TRHDE: variants seen among roughly 807,000 people sequenced by gnomAD.
TRHDE encodes thyrotropin-releasing hormone-degrading ectoenzyme.
In TRHDE, 72 loss-of-function variants were observed where a neutral mutation model predicts 125.7. The ratio of observed to expected loss-of-function variants is 0.57; its 90% CI spans 0.47 to 0.70. The LOEUF (loss-of-function observed/expected upper bound fraction) is 0.70, where lower values mean the gene tolerates loss of function less well. Ranked by LOEUF, TRHDE falls within the 30% of genes least tolerant of loss-of-function variation. The pLI is 0.00. For synonymous variants in TRHDE, 509 were observed against 509.1 expected (o/e 1.00, Z 0.00); for missense variants, 1,110 against 1,327.1 (o/e 0.84, Z 2.54).
Position 72,630,368 on chromosome 12 carries a change from C to T in TRHDE, c.2675+8617C>T, listed in dbSNP as rs570451487. On this transcript the variant is annotated intron_variant, in intron 15 of 18. Transcript: ENST00000261180. The stretch of plus-strand genomic sequence containing the variant: ...AGTAAGTCATGTAAAGACAGAGGAG[C>T]GCCAAGAATTGCTGGAGCCATTAGA... Among the ~76,000 whole-genome samples the T allele has an allele frequency of 2.6e-5, 4 of 151,700 alleles. No individual in the cohort carries two copies. In the South Asian group the frequency reaches 6.2e-4, roughly 24 times the overall value.
Position 72,658,492 on chromosome 12 carries a change from T to A in TRHDE, c.3066+1484T>A, listed in dbSNP as rs1592600566. On this transcript the variant is annotated intron_variant, in intron 18 of 18. Coordinates refer to ENST00000261180, the MANE Select transcript of TRHDE (RefSeq NM_013381.3). ...ATCTCCTCTCCTCCCTACCTCTCTC[T>A]TATCCCTTCTTTAATTTTTCTTCTT... 4.6e-5 allele frequency among the ~76,000 whole-genome samples: 7 copies of A among 152,240 alleles called. 1 individual carries two copies. Among genetic ancestry groups the A allele is most frequent in the Admixed American group, 4.6e-4 (7 of 15,272 alleles).
chr12:72,314,800 T>C (rs894473679), intron 2 of TRHDE, among the ~76,000 whole-genome samples: 1 of 152,218 alleles, frequency 6.6e-6, no homozygotes, highest in Non-Finnish European at 1.5e-5. Context: ...ATGTCTTTTT[T>C]TCATTCTGAA....
At chr12:72,121,719 C>A (rs1304660286) in intron 2 of TRHDE, among the ~76,000 whole-genome samples, 1 of 135,454 alleles carries the variant, frequency 7.4e-6, no homozygotes, top group African/African-American at 2.7e-5. Context: ...TACGAAGGTG[C>A]CTTTTTTTTT....
At chr12:72,426,164 T>C (rs977160160) in intron 3 of TRHDE, among the ~76,000 whole-genome samples, 2 of 152,144 alleles carry the variant, frequency 1.3e-5, no homozygotes, top group Non-Finnish European at 2.9e-5. Context: ...AACATGTTAT[T>C]GGAGATATTC....
At chr12:72,559,434 A>G (rs965427956) in intron 7 of TRHDE, among the ~76,000 whole-genome samples, 3 of 152,214 alleles carry the variant, frequency 2.0e-5, no homozygotes, top group Non-Finnish European at 4.4e-5. Flanking sequence ...TTGTTACTGC[A>G]TTTTAAACCA....
intron 1 of TRHDE, among the ~76,000 whole-genome samples, chr12:72,277,358 T>C (rs745464144): frequency 1.3e-5 from 2 of 152,170 alleles, no homozygotes; most frequent in Non-Finnish European, 2.9e-5. Context: ...TTAATACTCA[T>C]GGTATTTAAT....
chr12:72,359,827 G>C (rs1870987584), intron 2 of TRHDE, among the ~76,000 whole-genome samples: 1 of 151,574 alleles, frequency 6.6e-6, no homozygotes, highest in African/African-American at 2.4e-5. Flanking sequence ...TTTTGAAAAA[G>C]AAAAAGGAAA....
intron 15 of TRHDE, among the ~76,000 whole-genome samples, chr12:72,648,728 C>G (rs1176174781): frequency 6.6e-6 from 1 of 151,918 alleles, no homozygotes; most frequent in Non-Finnish European, 1.5e-5. Context: ...GGGAGGATCA[C>G]TTGAGGCCAA....
intron 2 of TRHDE, among the ~76,000 whole-genome samples, chr12:72,362,958 G>T (rs556283007): frequency 0.1 from 15,771 of 152,010 alleles, 1,104 homozygotes; most frequent in African/African-American, 0.18. Context: ...TGCTGTTTTG[G>T]TTACTGTAGA....
intron 2 of TRHDE, among the ~76,000 whole-genome samples, chr12:72,244,424 C>T (rs1410169014): frequency 6.6e-6 from 1 of 152,000 alleles, no homozygotes; most frequent in Non-Finnish European, 1.5e-5. Flanking sequence ...TCCACTGGCC[C>T]CTCAATGTAG....
At chr12:72,603,282 G>A (rs1245783688) in intron 12 of TRHDE, among the ~76,000 whole-genome samples, 3 of 152,076 alleles carry the variant, frequency 2.0e-5, no homozygotes, top group Non-Finnish European at 4.4e-5. Flanking sequence ...AATGGAAAAA[G>A]CAATGAAAGT....
chr12:72,633,708 T>C (rs991061781), intron 15 of TRHDE, among the ~76,000 whole-genome samples: 46 of 152,130 alleles, frequency 3.0e-4, no homozygotes, highest in Admixed American at 2.8e-3. Context: ...AGAAACCATA[T>C]TCTTCCTGGT....
intron 3 of TRHDE, among the ~76,000 whole-genome samples, chr12:72,420,130 C>T (rs778404269): frequency 6.6e-5 from 10 of 152,160 alleles, no homozygotes; most frequent in Admixed American, 2.0e-4. Flanking sequence ...CTACATCCTA[C>T]AGCTAGTATG....
intron 2 of TRHDE, among the ~76,000 whole-genome samples, chr12:72,352,074 C>T (rs898389694): frequency 6.6e-6 from 1 of 151,814 alleles, no homozygotes; most frequent in Non-Finnish European, 1.5e-5. Flanking sequence ...CACCTTTGTG[C>T]AATTTTTAAA....
chr12:72,445,039 T>C (rs1207682030), intron 3 of TRHDE, among the ~76,000 whole-genome samples: 2 of 151,848 alleles, frequency 1.3e-5, no homozygotes, highest in Non-Finnish European at 2.9e-5. Flanking sequence ...ACAAGTACCT[T>C]CTTCTTCTCC....
intron 12 of TRHDE, among the ~76,000 whole-genome samples, chr12:72,579,111 G>A (rs900843165): frequency 6.6e-6 from 1 of 151,696 alleles, no homozygotes; most frequent in African/African-American, 2.4e-5. Context: ...TCCATGAGGA[G>A]TCTTTTGTTG....
intron 2 of TRHDE, among the ~76,000 whole-genome samples, chr12:72,266,619 G>T (rs894174200): frequency 6.6e-6 from 1 of 151,470 alleles, no homozygotes; most frequent in African/African-American, 2.4e-5. Context: ...TATAGACCAG[G>T]CATGTTTGCT....
chr12:72,621,671 G>A lies in TRHDE; in HGVS notation c.2595G>A (p.Leu865=). The change falls in exon 15 of 19, where the codon CTG becomes CTA. Residue 865 remains leucine (L), a synonymous_variant. Transcript: ENST00000261180. ...HEELRREVIM[L]ACSFGNKHCH... ...AACTACGTAGAGAAGTTATAATGCTGGCCTGCAGTTTTGGCAACAAGCACT... is the reference window on the plus strand; with the variant it reads ...AACTACGTAGAGAAGTTATAATGCTAGCCTGCAGTTTTGGCAACAAGCACT... 6.2e-7 allele frequency: 1 copy of A among 1,606,540 alleles called. No homozygotes were observed. Among genetic ancestry groups the A allele is most frequent in the Non-Finnish European group, 8.5e-7 (1 of 1,177,594 alleles).
intron 2 of TRHDE, among the ~76,000 whole-genome samples, chr12:72,234,239 G>A (rs1381654033): frequency 1.3e-5 from 2 of 152,056 alleles, no homozygotes; most frequent in South Asian, 2.1e-4. Context: ...TATGTTCACA[G>A]CTTTGTCAAA....
Sources: gnomAD v4.1 joint callset for allele counts (sites outside exome capture counted in the v4.1 genomes callset) on GRCh38, gnomAD v4.1.1 for gene constraint, MANE v1.5 for transcripts, NCBI Gene and HGNC (gene_info 2026-07-23, HGNC 2026-07-21) for gene names.